F2: variants seen among roughly 807,000 people sequenced by gnomAD.
F2 encodes the protein prothrombin.
Under a neutral mutation model 81.9 loss-of-function variants are expected in F2, and 34 were observed. The ratio of observed to expected loss-of-function variants is 0.42; its 90% CI spans 0.32 to 0.55. F2 has a LOEUF of 0.55. Among genes scored for constraint, F2 ranks in the 20% least tolerant of loss-of-function variants. The pLI is 0.18. For missense variants in F2, 630 were observed against 833.4 expected (o/e 0.76, Z 3.00); for synonymous variants, 296 against 326.4 (o/e 0.91, Z 1.01).
At position 46,723,232 on chromosome 11, in the gene F2, C is replaced by T. The variant is rs758857746; in HGVS notation, c.369C>T (p.Thr123=). 6.2e-7 allele frequency: 1 copy of T among 1,613,986 alleles called. No individual in the cohort carries two copies. The highest frequency in any genetic ancestry group is 1.7e-5 in the Admixed American group (1 of 59,984). The change falls in exon 5 of 14, where the codon ACC becomes ACT. Residue 123 remains threonine, a synonymous_variant. Transcript: ENST00000311907. This position sits in a 1 kb window ranked among gnomAD's most constrained non-coding sequence, Gnocchi z 5.6. ...ACTACCGAGGGCATGTGAACATCACCCGGTCAGGCATTGAGTGCCAGCTAT... is the reference window on the plus strand; with the variant it reads ...ACTACCGAGGGCATGTGAACATCACTCGGTCAGGCATTGAGTGCCAGCTAT... ...GTNYRGHVNI[T]RSGIECQLWR...
rs1452477413 is a variant in F2 at position 46,728,994 on chromosome 11, T to TA, written c.1472+158dup. On this transcript the variant is annotated intron_variant, in intron 11 of 13. Transcript: ENST00000311907. The surrounding 1 kb of genome is among the most constrained non-coding windows in gnomAD (Gnocchi z 5.1). The stretch of plus-strand genomic sequence containing the variant: ...TTTTCAGTACTGGCGTTTTATTTTT[T>TA]ATTTATATTTATTTATTTACTGACG... Among the ~76,000 whole-genome samples, 1 of 152,142 alleles carries TA rather than the reference T, an allele frequency of 6.6e-6. No individual in the cohort carries two copies. The highest frequency in any genetic ancestry group is 1.5e-5 in the Non-Finnish European group (1 of 68,054).
intron 11 of F2, among the ~76,000 whole-genome samples, chr11:46,729,091 G>A (rs2064894344): frequency 6.6e-6 from 1 of 152,118 alleles, no homozygotes. Context: ...CACCTCCTGG[G>A]TTCAAGCGAC....
chr11:46,736,753 C>T (rs1239416074), intron 12 of F2, among the ~76,000 whole-genome samples: 1 of 152,172 alleles, frequency 6.6e-6, no homozygotes, highest in Non-Finnish European at 1.5e-5. Flanking sequence ...GGCTAATGTT[C>T]TCTTTTAGTT....
chr11:46,719,757 C>T lies in F2; in HGVS notation c.135C>T (p.Asn45=), dbSNP rs946360744. 1 of 1,597,974 alleles carries T rather than the reference C, an allele frequency of 6.3e-7. No homozygotes were observed. Among genetic ancestry groups the T allele is most frequent in the African/African-American group, 1.3e-5 (1 of 74,850 alleles). ...TGCTCCAGCGGGTCCGGCGAGCCAA[C>T]ACCTTCTTGGAGGAGGTGCGCAAGG... ...RSLLQRVRRA[N]TFLEEVRKGN... Residue 45 remains asparagine (N), a synonymous_variant, in exon 2 of 14, where the codon AAC becomes AAT. Transcript: ENST00000311907. This position sits in a 1 kb window ranked among gnomAD's most constrained non-coding sequence, Gnocchi z 4.7.
rs1309477041 is a variant in F2 at position 46,728,958 on chromosome 11, C to A, written c.1472+121C>A. On this transcript the variant is annotated intron_variant, in intron 11 of 13. Transcript: ENST00000311907. This position sits in a 1 kb window ranked among gnomAD's most constrained non-coding sequence, Gnocchi z 5.1. The stretch of plus-strand genomic sequence containing the variant: ...CCAGGCCTCGGTTTCTTGGAGTGAA[C>A]CCAAAAGTTCTTTTCAGTACTGGCG... The A allele has an allele frequency of 2.6e-5, 26 of 993,610 alleles. No individual in the cohort carries two copies. The highest frequency in any genetic ancestry group is 3.8e-5 in the Non-Finnish European group (25 of 656,904). 61.5% of individuals were successfully genotyped at this position (993,610 alleles called of 1,614,324 possible). A position where few individuals can be genotyped will look rare whatever the true frequency, so the allele number is the denominator to read the frequency against.
chr11:46,727,928 C>A, intron 9 of F2, 68 bp from the exon 10 acceptor site: 3 of 1,526,146 alleles, frequency 2.0e-6, no homozygotes, highest in East Asian at 2.4e-5. Flanking sequence ...GGGATTGTTA[C>A]TTCTAGGGCT....
intron 4 of F2, among the ~76,000 whole-genome samples, chr11:46,722,441 G>C (rs1020134586): frequency 2.6e-5 from 4 of 152,058 alleles, no homozygotes; most frequent in Non-Finnish European, 5.9e-5. Flanking sequence ...ACAAAAATTA[G>C]CTGGGGTGTG....
At position 46,719,607 on chromosome 11, in the gene F2, C is replaced by T. The variant is rs2064822113; in HGVS notation, c.80-95C>T. On this transcript the variant is annotated intron_variant, in intron 1 of 13. Coordinates refer to ENST00000311907, the MANE Select transcript of F2 (RefSeq NM_000506.5). The surrounding 1 kb of genome is among the most constrained non-coding windows in gnomAD (Gnocchi z 4.7). ...AGCCCAGACAGCCTCTCTCAGAAGC[C>T]AGCAGGGGAGGGTGGGCTTGCTTCA... The T allele has an allele frequency of 6.7e-7, 1 of 1,482,710 alleles. No homozygotes were observed. Among genetic ancestry groups the T allele is most frequent in the Admixed American group, 2.0e-5 (1 of 50,666 alleles). The allele number at this position is 1,482,710 out of a possible 1,614,324, so 91.8% of individuals were successfully genotyped here. A position where few individuals can be genotyped will look rare whatever the true frequency, so the allele number is the denominator to read the frequency against.
rs931827761 is a variant in F2, at chr11:46,728,469, G to C, written c.1299-195G>C. Among the ~76,000 whole-genome samples, 6 of 152,304 alleles carry C rather than the reference G, an allele frequency of 3.9e-5. No homozygotes were observed. The highest frequency in any genetic ancestry group is 7.4e-5 in the Non-Finnish European group (5 of 68,024). The stretch of plus-strand genomic sequence containing the variant: ...TGCCCCTGTCCCCGTCCTCCAGGCT[G>C]TCTGACTCCAAAGCCCTGCACGGCT... On this transcript the variant is annotated intron_variant, in intron 10 of 13. Transcript: ENST00000311907. This position sits in a 1 kb window ranked among gnomAD's most constrained non-coding sequence, Gnocchi z 5.1.
chr11:46,738,197 C>T (rs1006613037), intron 12 of F2, among the ~76,000 whole-genome samples: 1 of 152,066 alleles, frequency 6.6e-6, no homozygotes, highest in African/African-American at 2.4e-5. Flanking sequence ...GACAGGGTTT[C>T]ACCACGTTGG....
chr11:46,720,207 G>T (rs950928804), intron 2 of F2: 2 of 548,424 alleles, frequency 3.6e-6, no homozygotes, highest in Non-Finnish European at 6.5e-6. Flanking sequence ...ACAAGCCCCC[G>T]GGCTCAAGAC....
chr11:46,720,374 C>T (rs147886868), intron 2 of F2, 149 bp from the exon 3 acceptor site: 3 of 843,414 alleles, frequency 3.6e-6, no homozygotes, highest in South Asian at 1.4e-5. Context: ...CTTTTGGAAA[C>T]AAAAGTAGGA....
intron 2 of F2, 72 bp from the exon 3 acceptor site, chr11:46,720,451 G>T: frequency 1.3e-6 from 2 of 1,554,526 alleles, no homozygotes; most frequent in Non-Finnish European, 1.8e-6. Context: ...GTGTGAGGAG[G>T]AGACATAACA....
chr11:46,726,068 C>G lies in F2; in HGVS notation c.769C>G (p.Leu257Val). The G allele has an allele frequency of 6.2e-7, 1 of 1,614,204 alleles. No homozygotes were observed. The highest frequency in any genetic ancestry group is 8.5e-7 in the Non-Finnish European group (1 of 1,180,050). The change falls in exon 7 of 14, where the codon CTG becomes GTG. Residue 257 changes from leucine to valine, a missense_variant. Leu to Val is a conservative substitution (Grantham distance 32, BLOSUM62 1). Coordinates refer to ENST00000311907, the MANE Select transcript of F2 (RefSeq NM_000506.5). The surrounding 1 kb of genome is among the most constrained non-coding windows in gnomAD (Gnocchi z 5.9). The part of the protein sequence containing the change: ...KHQDFNSAVQ[L>V]VENFCRNPDG... ...CCAGGACTTCAACTCAGCTGTGCAG[C>G]TGGTGGAGAACTTCTGCCGCAACCC...
chr11:46,723,458 C>T lies in F2; in HGVS notation c.499C>T (p.Pro167Ser), dbSNP rs773232576. 6.2e-7 allele frequency: 1 copy of T among 1,614,148 alleles called. No individual in the cohort carries two copies. Among genetic ancestry groups the T allele is most frequent in the Non-Finnish European group, 8.5e-7 (1 of 1,180,020 alleles). Residue 167 changes from proline to serine, a missense_variant, in exon 6 of 14, where the codon CCC (proline) becomes TCC (serine). Transcript: ENST00000311907. The surrounding 1 kb of genome is among the most constrained non-coding windows in gnomAD (Gnocchi z 5.6). The part of the protein sequence containing the change: ...CRNPDSSTTG[P>S]WCYTTDPTVR... ...CAACCCCGACAGCAGCACCACGGGA[C>T]CCTGGTGCTACACTACAGACCCCAC... is the stretch of plus-strand genomic sequence containing the variant.
chr11:46,721,882 G>A (rs3136521), intron 4 of F2, among the ~76,000 whole-genome samples: 9,683 of 145,202 alleles, frequency 0.067, 376 homozygotes, highest in Middle Eastern at 0.092. Context: ...TCACTCTGTC[G>A]CCTAGGCTGG....
At position 46,719,939 on chromosome 11, in the gene F2, G is replaced by A. The variant is rs1420666663; in HGVS notation, c.240+77G>A. 11 of 1,520,348 alleles carry A rather than the reference G, an allele frequency of 7.2e-6. No homozygotes were observed. Among genetic ancestry groups the A allele is most frequent in the East Asian group, 2.4e-5 (1 of 40,828 alleles). 94.2% of individuals were successfully genotyped at this position (1,520,348 alleles called of 1,614,324 possible). On this transcript the variant is annotated intron_variant, in intron 2 of 13. Coordinates refer to ENST00000311907, the MANE Select transcript of F2 (RefSeq NM_000506.5). This position sits in a 1 kb window ranked among gnomAD's most constrained non-coding sequence, Gnocchi z 4.7. ...TAGACACTTCCACAGAGAAGCAAGCGAGGAACGCCACAGCCCCTTCGCTGC... is the reference window on the plus strand; with the variant it reads ...TAGACACTTCCACAGAGAAGCAAGCAAGGAACGCCACAGCCCCTTCGCTGC...
At chr11:46,729,665 T>A in intron 12 of F2, 104 bp downstream of exon 12, 1 of 1,291,456 alleles carries the variant, frequency 7.7e-7, no homozygotes, top group South Asian at 1.4e-5. Flanking sequence ...TTGCCTAACC[T>A]CTTGGTGGCT....
Position 46,739,479 on chromosome 11 carries a change from G to A in F2, c.*71G>A, listed in dbSNP as rs934669940. 41 of 1,599,156 alleles carry A rather than the reference G, an allele frequency of 2.6e-5. No homozygotes were observed. The highest frequency in any genetic ancestry group is 3.4e-5 in the Non-Finnish European group (40 of 1,171,074). On this transcript the variant is annotated 3_prime_UTR_variant, in exon 14 of 14. Transcript: ENST00000311907. ...ATTATTTTTGTGTTTCTAAAACTAT[G>A]GTTCCCAATAAAAGTGACTCTCAGC...
Sources: allele counts gnomAD v4.1 joint callset (sites outside exome capture counted in the v4.1 genomes callset), GRCh38; gene constraint gnomAD v4.1.1; non-coding constraint Gnocchi (gnomAD v3.1); transcripts MANE v1.5; gene names NCBI Gene and HGNC (gene_info 2026-07-23, HGNC 2026-07-21).